The following KCNN2 variants were observed in gnomAD, a reference collection of about 807,000 sequenced individuals.
KCNN2 encodes potassium calcium-activated channel subfamily N member 2.
In KCNN2, 24 loss-of-function variants were observed where a neutral mutation model predicts 55.5. The ratio of observed to expected loss-of-function variants is 0.43; its 90% CI spans 0.31 to 0.61. The LOEUF (loss-of-function observed/expected upper bound fraction) is 0.61. Among genes scored for constraint, KCNN2 ranks in the 20% least tolerant of loss-of-function variants. The pLI, the probability that KCNN2 is intolerant of heterozygous loss-of-function variation, is 0.08. For synonymous variants in KCNN2, 431 were observed against 336.1 expected (o/e 1.28, Z -3.09); for missense variants, 754 against 853.6 (o/e 0.88, Z 1.45).
chr5:114,284,076 T>C (rs2150014176), intron 2 of KCNN2, among the ~76,000 whole-genome samples: 1 of 152,262 alleles, frequency 6.6e-6, no homozygotes, highest in South Asian at 2.1e-4. Flanking sequence ...CCTCACACCT[T>C]TTCACTTTAA....
intron 5 of KCNN2, among the ~76,000 whole-genome samples, chr5:114,478,342 T>C (rs1762065006): frequency 1.3e-5 from 2 of 152,046 alleles, no homozygotes; most frequent in African/African-American, 4.8e-5. Context: ...AGCAAAGTTT[T>C]AATGAAAAGA....
chr5:114,085,012 T>G (rs1473184878), intron 1 of KCNN2, among the ~76,000 whole-genome samples: 4 of 150,152 alleles, frequency 2.7e-5, no homozygotes, highest in African/African-American at 9.8e-5. Flanking sequence ...TCCATTGAGA[T>G]ATATATATAT....
intron 2 of KCNN2, among the ~76,000 whole-genome samples, chr5:114,235,133 T>C (rs1754465645): frequency 6.6e-6 from 1 of 152,220 alleles, no homozygotes; most frequent in African/African-American, 2.4e-5. Flanking sequence ...TGAGCACCTC[T>C]GTGGCCTGAG....
chr5:114,203,549 C>G (rs1437359069), intron 1 of KCNN2, among the ~76,000 whole-genome samples: 4 of 152,172 alleles, frequency 2.6e-5, no homozygotes, highest in Non-Finnish European at 5.9e-5. Context: ...CTCATCCTGA[C>G]CTTTGAGTCA....
At chr5:114,332,776 C>T (rs1432744823) in intron 2 of KCNN2, among the ~76,000 whole-genome samples, 1 of 152,232 alleles carries the variant, frequency 6.6e-6, no homozygotes, top group Non-Finnish European at 1.5e-5. Context: ...CTTGTTTTAA[C>T]TGCTTTAATA....
At chr5:114,206,080 C>T (rs1753762620) in intron 1 of KCNN2, among the ~76,000 whole-genome samples, 1 of 151,934 alleles carries the variant, frequency 6.6e-6, no homozygotes, top group African/African-American at 2.4e-5. Context: ...TTTATTTTTC[C>T]CGTCTTTGAT....
At chr5:114,239,807 A>G (rs1246749763) in intron 2 of KCNN2, among the ~76,000 whole-genome samples, 1 of 152,188 alleles carries the variant, frequency 6.6e-6, no homozygotes, top group Admixed American at 6.5e-5. Context: ...TGAGATCTTC[A>G]TTTGATGTCA....
intron 2 of KCNN2, among the ~76,000 whole-genome samples, chr5:114,398,169 A>G (rs770603077): frequency 6.6e-6 from 1 of 152,166 alleles, no homozygotes; most frequent in Non-Finnish European, 1.5e-5. Context: ...GGGGTTTTAC[A>G]TTTAAGTCTA....
intron 1 of KCNN2, among the ~76,000 whole-genome samples, chr5:114,127,018 G>C (rs1331314459): frequency 1.3e-5 from 2 of 152,212 alleles, no homozygotes; most frequent in Non-Finnish European, 2.9e-5. Context: ...CAAGAGATGG[G>C]CTCCCATAGC....
intron 4 of KCNN2, among the ~76,000 whole-genome samples, chr5:114,467,238 A>G (rs1761494690): frequency 6.6e-6 from 1 of 152,190 alleles, no homozygotes; most frequent in Non-Finnish European, 1.5e-5. Context: ...AAAAGAAGTG[A>G]TTGGTATGAA....
At chr5:114,163,534 T>C (rs1752841935) in intron 1 of KCNN2, among the ~76,000 whole-genome samples, 2 of 152,244 alleles carry the variant, frequency 1.3e-5, no homozygotes, top group South Asian at 4.1e-4. Flanking sequence ...TTTCTGCATC[T>C]ATTGAGATCA....
intron 1 of KCNN2, among the ~76,000 whole-genome samples, chr5:114,221,097 C>A (rs1158871741): frequency 6.6e-6 from 1 of 152,168 alleles, no homozygotes; most frequent in Non-Finnish European, 1.5e-5. Flanking sequence ...TTATGTGAGA[C>A]AGAAAACAGT....
chr5:114,247,660 C>T (rs1246824770), intron 2 of KCNN2, among the ~76,000 whole-genome samples: 2 of 152,166 alleles, frequency 1.3e-5, no homozygotes, highest in Admixed American at 6.5e-5. Context: ...AGCATGCTCA[C>T]GTACCCCGTT....
intron 2 of KCNN2, among the ~76,000 whole-genome samples, chr5:114,371,432 G>T (rs191661082): frequency 3.3e-5 from 5 of 152,212 alleles, no homozygotes; most frequent in Admixed American, 2.0e-4. Context: ...AGACAAGAAT[G>T]AATTGTCCCT....
chr5:114,080,570 T>C (rs1750791866), intron 1 of KCNN2, among the ~76,000 whole-genome samples: 1 of 152,184 alleles, frequency 6.6e-6, no homozygotes, highest in Non-Finnish European at 1.5e-5. Flanking sequence ...CTCGTTGATA[T>C]ATAATTATTT....
chr5:114,117,417 C>G (rs922147235), intron 1 of KCNN2, among the ~76,000 whole-genome samples: 1 of 152,188 alleles, frequency 6.6e-6, no homozygotes, highest in Non-Finnish European at 1.5e-5. Flanking sequence ...ACAGCTTATT[C>G]CCTGACAGGG....
intron 1 of KCNN2, among the ~76,000 whole-genome samples, chr5:114,158,762 G>A (rs566918304): frequency 6.6e-6 from 1 of 151,686 alleles, no homozygotes; most frequent in African/African-American, 2.4e-5. Flanking sequence ...TCTCTTTGAA[G>A]CAATTGTGAA....
intron 2 of KCNN2, among the ~76,000 whole-genome samples, chr5:114,385,093 C>G (rs1285178822): frequency 1.3e-5 from 2 of 151,990 alleles, no homozygotes; most frequent in African/African-American, 4.8e-5. Context: ...ATGTGTTGCC[C>G]TATTTTGTTT....
At chr5:114,294,902 G>C (rs1410646250) in intron 2 of KCNN2, among the ~76,000 whole-genome samples, 1 of 152,146 alleles carries the variant, frequency 6.6e-6, no homozygotes, top group Non-Finnish European at 1.5e-5. Flanking sequence ...TCTTCTTGTT[G>C]AATTGATCCC....
Sources: allele counts gnomAD v4.1 joint callset (sites outside exome capture counted in the v4.1 genomes callset), GRCh38; gene constraint gnomAD v4.1.1; transcripts MANE v1.5; gene names NCBI Gene and HGNC (gene_info 2026-07-23, HGNC 2026-07-21).